The following NXPH1 variants were observed in gnomAD, a reference collection of about 807,000 sequenced individuals.
NXPH1 encodes the protein neurexophilin-1.
In NXPH1, 5 loss-of-function variants were observed where a neutral mutation model predicts 23.7. The observed-to-expected ratio is 0.21, with a 90% CI of 0.11 to 0.44. NXPH1 has a LOEUF of 0.44. Among genes scored for constraint, NXPH1 ranks in the 20% least tolerant of loss-of-function variants. The probability of loss-of-function intolerance (pLI) is 0.99; values close to 1 mark genes in which losing one functional copy is unlikely to be tolerated. For missense variants in NXPH1, 324 were observed against 321.6 expected (o/e 1.01, Z -0.06); for synonymous variants, 144 against 122.2 (o/e 1.18, Z -1.18).
chr7:8,652,262 C>T (rs1317951272), intron 2 of NXPH1, among the ~76,000 whole-genome samples: 4 of 152,076 alleles, frequency 2.6e-5, no homozygotes, highest in Non-Finnish European at 4.4e-5. Context: ...CAAGAAATAA[C>T]CAATGCTACA....
intron 2 of NXPH1, among the ~76,000 whole-genome samples, chr7:8,652,393 T>A (rs182017821): frequency 2.5e-4 from 38 of 152,270 alleles, no homozygotes; most frequent in Admixed American, 1.4e-3. Flanking sequence ...TTTTATCATT[T>A]CTTTTTATTC....
intron 2 of NXPH1, among the ~76,000 whole-genome samples, chr7:8,440,992 T>G (rs1471215660): frequency 6.6e-6 from 1 of 152,202 alleles, no homozygotes; most frequent in Admixed American, 6.5e-5. Context: ...CTCTGAAAGT[T>G]TGCCTGCTCT....
chr7:8,613,309 C>T (rs1157584501), intron 2 of NXPH1, among the ~76,000 whole-genome samples: 1 of 152,002 alleles, frequency 6.6e-6, no homozygotes, highest in Non-Finnish European at 1.5e-5. Flanking sequence ...CAAATATAGT[C>T]TATTGTCCAG....
chr7:8,703,528 G>T (rs1053583396), intron 2 of NXPH1, among the ~76,000 whole-genome samples: 3 of 146,602 alleles, frequency 2.0e-5, no homozygotes, highest in Non-Finnish European at 4.5e-5. Context: ...TTATGTATTT[G>T]TCTTTGTCTT....
At chr7:8,550,231 T>C (rs559488621) in intron 2 of NXPH1, among the ~76,000 whole-genome samples, 5 of 151,602 alleles carry the variant, frequency 3.3e-5, no homozygotes, top group African/African-American at 9.7e-5. Context: ...CTGTAGGGGA[T>C]AGAGATGACT....
chr7:8,733,409 C>T (rs1403296764), intron 2 of NXPH1, among the ~76,000 whole-genome samples: 1 of 152,110 alleles, frequency 6.6e-6, no homozygotes, highest in Non-Finnish European at 1.5e-5. Flanking sequence ...AATGGGATGG[C>T]TGGGTCAAAT....
At chr7:8,546,612 C>G (rs1443963503) in intron 2 of NXPH1, among the ~76,000 whole-genome samples, 1 of 151,322 alleles carries the variant, frequency 6.6e-6, no homozygotes, top group Non-Finnish European at 1.5e-5. Flanking sequence ...ATTAAAAGTT[C>G]TCAAACCACT....
chr7:8,615,238 A>G (rs915938464), intron 2 of NXPH1, among the ~76,000 whole-genome samples: 2 of 152,068 alleles, frequency 1.3e-5, no homozygotes, highest in Non-Finnish European at 2.9e-5. Context: ...AATCTTTAAT[A>G]AAATTGTTAT....
intron 2 of NXPH1, among the ~76,000 whole-genome samples, chr7:8,735,982 T>G (rs1046718295): frequency 2.0e-5 from 3 of 152,166 alleles, no homozygotes; most frequent in African/African-American, 7.2e-5. Flanking sequence ...AGTGGTGATA[T>G]CCCCTTTATC....
At chr7:8,663,233 C>T (rs901094772) in intron 2 of NXPH1, among the ~76,000 whole-genome samples, 1 of 151,950 alleles carries the variant, frequency 6.6e-6, no homozygotes, top group African/African-American at 2.4e-5. Flanking sequence ...CATCAGGGTC[C>T]CCCATCGTTG....
intron 2 of NXPH1, among the ~76,000 whole-genome samples, chr7:8,720,628 G>A (rs1562464781): frequency 6.6e-6 from 1 of 152,152 alleles, no homozygotes; most frequent in Non-Finnish European, 1.5e-5. Context: ...AAGATTTAAT[G>A]AGCTTATTAT....
At chr7:8,512,507 A>C (rs1817628069) in intron 2 of NXPH1, among the ~76,000 whole-genome samples, 1 of 152,002 alleles carries the variant, frequency 6.6e-6, no homozygotes, top group African/African-American at 2.4e-5. Context: ...TTGGTAGGGG[A>C]TATTTGAGAG....
intron 2 of NXPH1, among the ~76,000 whole-genome samples, chr7:8,504,268 A>G (rs1204725412): frequency 6.6e-6 from 1 of 151,976 alleles, no homozygotes; most frequent in African/African-American, 2.4e-5. Context: ...CCCTATTATT[A>G]GATCACAAAT....
At chr7:8,745,070 A>G (rs1780444306) in intron 2 of NXPH1, among the ~76,000 whole-genome samples, 4 of 152,226 alleles carry the variant, frequency 2.6e-5, no homozygotes, top group African/African-American at 9.6e-5. Flanking sequence ...TTAAGTTTAA[A>G]TGCCTTAGCA....
intron 2 of NXPH1, among the ~76,000 whole-genome samples, chr7:8,705,706 A>C (rs1222756181): frequency 6.6e-6 from 1 of 152,166 alleles, no homozygotes; most frequent in Non-Finnish European, 1.5e-5. Flanking sequence ...TGATCTGGGC[A>C]ATAGTTTTGT....
intron 2 of NXPH1, among the ~76,000 whole-genome samples, chr7:8,661,746 T>G (rs1383146965): frequency 2.6e-5 from 4 of 152,172 alleles, no homozygotes; most frequent in African/African-American, 9.6e-5. Context: ...TCAAAATTTT[T>G]CAAGTATAAA....
intron 2 of NXPH1, among the ~76,000 whole-genome samples, chr7:8,540,211 G>A (rs1044398979): frequency 3.3e-5 from 5 of 151,650 alleles, no homozygotes; most frequent in African/African-American, 9.7e-5. Flanking sequence ...TTGGATATTC[G>A]AAATAACTCT....
chr7:8,546,749 T>C (rs1463755461), intron 2 of NXPH1, among the ~76,000 whole-genome samples: 2 of 151,448 alleles, frequency 1.3e-5, no homozygotes, highest in Non-Finnish European at 3.0e-5. Flanking sequence ...TAAGCTTGTC[T>C]AGGTTTCAGT....
At chr7:8,716,877 G>C (rs1256370873) in intron 2 of NXPH1, among the ~76,000 whole-genome samples, 1 of 152,142 alleles carries the variant, frequency 6.6e-6, no homozygotes, top group Non-Finnish European at 1.5e-5. Context: ...GGGCACTCTA[G>C]TCTCTGGCCC....
Sources: gnomAD v4.1 joint callset for allele counts (sites outside exome capture counted in the v4.1 genomes callset) on GRCh38, gnomAD v4.1.1 for gene constraint, MANE v1.5 for transcripts, NCBI Gene and HGNC (gene_info 2026-07-23, HGNC 2026-07-21) for gene names.